The following RIC8B variants were observed in gnomAD, a reference collection of about 807,000 sequenced individuals.
RIC8B encodes RIC8 guanine nucleotide exchange factor B, also known as chaperone Ric-8B.
In RIC8B, 16 loss-of-function variants were observed where a neutral mutation model predicts 57.5. The observed-to-expected ratio is 0.28, with a 90% CI of 0.19 to 0.42. The LOEUF is 0.42. Among genes scored for constraint, RIC8B ranks in the 10% least tolerant of loss-of-function variants. The pLI, the probability that RIC8B is intolerant of heterozygous loss-of-function variation, is 1.00. For synonymous variants in RIC8B, 216 were observed against 250.8 expected (o/e 0.86, Z 1.31); for missense variants, 481 against 677.0 (o/e 0.71, Z 3.21).
At position 106,830,844 on chromosome 12, in the gene RIC8B, T is replaced by C. The variant is rs184761235; in HGVS notation, c.836+5024T>C. On this transcript the variant is annotated intron_variant, in intron 4 of 9. Transcript: ENST00000392837. ...AGACATAAATGTTAGGAAAGCTAAA[T>C]AACAATTCGAGACAGGGATAGAGAG... Among the ~76,000 whole-genome samples the C allele has an allele frequency of 1.4e-3, 212 of 152,284 alleles. 4 individuals carry two copies. The highest frequency in any genetic ancestry group is 5.3e-3 in the Admixed American group (81 of 15,300).
intron 1 of RIC8B, 39 bp downstream of exon 1, chr12:106,774,868 C>A: frequency 6.8e-7 from 1 of 1,467,044 alleles, no homozygotes. Context: ...TATCGCACCC[C>A]CGGGCCGCCC....
At chr12:106,837,921 C>T (rs1206443644) in intron 4 of RIC8B, among the ~76,000 whole-genome samples, 1 of 96 alleles carries the variant, frequency 0.01, no homozygotes, top group African/African-American at 0.042. Flanking sequence ...AGATTACAGG[C>T]GTGAGCACCA....
rs997759194 is a variant in RIC8B, at chr12:106,885,866, A to C, written c.1572-38A>C. 5 of 1,375,692 alleles carry C rather than the reference A, an allele frequency of 3.6e-6. No individual in the cohort carries two copies. In the Admixed American group the frequency reaches 5.0e-5, roughly 14 times the overall value. The allele number at this position is 1,375,692 out of a possible 1,614,324, so 85.2% of individuals were successfully genotyped here. On this transcript the variant is annotated intron_variant, in intron 9 of 9. Transcript: ENST00000392837. ...GAGGGGTGTGTGTGTGATGCTGGTG[A>C]ATACTTTTTTTTCTCTCTCTTTTAT...
chr12:106,803,380 A>G (rs2044843050), intron 2 of RIC8B, among the ~76,000 whole-genome samples: 1 of 152,166 alleles, frequency 6.6e-6, no homozygotes, highest in Admixed American at 6.5e-5. Flanking sequence ...AGTGATCATT[A>G]TAGTGCCTTC....
chr12:106,789,228 C>G (rs369172275), intron 2 of RIC8B, among the ~76,000 whole-genome samples: 2 of 152,296 alleles, frequency 1.3e-5, no homozygotes, highest in Non-Finnish European at 1.5e-5. Flanking sequence ...CATCCTGGAC[C>G]TTATTGTTCT....
At chr12:106,885,765 C>T (rs1483071427) in intron 9 of RIC8B, 139 bp from the exon 10 acceptor site, 7 of 590,020 alleles carry the variant, frequency 1.2e-5, no homozygotes, top group Admixed American at 3.3e-5. Flanking sequence ...TACAAACACA[C>T]AGAGAAAGCT....
chr12:106,795,954 C>T lies in RIC8B; in HGVS notation c.132+11910C>T, dbSNP rs186278536. Among the ~76,000 whole-genome samples, 57 of 152,212 alleles carry T rather than the reference C, an allele frequency of 3.7e-4. No homozygotes were observed. In the Middle Eastern group the frequency reaches 0.014, roughly 36 times the overall value. Reference sequence around the variant, plus strand: ...TAGAATAATGACTAAGGACATAACTCATACTTACACTTTGAAAACTGTAAA... The same window carrying T: ...TAGAATAATGACTAAGGACATAACTTATACTTACACTTTGAAAACTGTAAA... On this transcript the variant is annotated intron_variant, in intron 2 of 9. Coordinates refer to ENST00000392837, the MANE Select transcript of RIC8B (RefSeq NM_001330145.2).
chr12:106,872,445 G>T (rs1435947051), intron 9 of RIC8B, among the ~76,000 whole-genome samples: 1 of 152,060 alleles, frequency 6.6e-6, no homozygotes, highest in African/African-American at 2.4e-5. Flanking sequence ...GAGGCAGGTG[G>T]ATCACCTGAG....
intron 2 of RIC8B, among the ~76,000 whole-genome samples, chr12:106,804,267 T>G (rs1435771100): frequency 1.3e-5 from 2 of 149,688 alleles, no homozygotes; most frequent in Non-Finnish European, 3.0e-5. Flanking sequence ...CAGGCTGGAG[T>G]GCAATGGCGT....
chr12:106,795,214 A>G (rs2044423854), intron 2 of RIC8B, among the ~76,000 whole-genome samples: 1 of 152,218 alleles, frequency 6.6e-6, no homozygotes, highest in Admixed American at 6.5e-5. Context: ...TGTAATTTTT[A>G]TAGATGTATA....
chr12:106,787,003 C>A (rs1276780687), intron 2 of RIC8B, among the ~76,000 whole-genome samples: 3 of 152,076 alleles, frequency 2.0e-5, no homozygotes, highest in Admixed American at 1.3e-4. Context: ...AGTCTCCTAC[C>A]CCATATAAAT....
intron 6 of RIC8B, among the ~76,000 whole-genome samples, chr12:106,849,582 T>A (rs1440845633): frequency 6.6e-6 from 1 of 151,884 alleles, no homozygotes; most frequent in East Asian, 1.9e-4. Flanking sequence ...TGAATCAGAA[T>A]CTGCATTTTA....
At chr12:106,807,455 G>C (rs574422352) in intron 2 of RIC8B, among the ~76,000 whole-genome samples, 24 of 152,288 alleles carry the variant, frequency 1.6e-4, no homozygotes, top group African/African-American at 5.5e-4. Flanking sequence ...ACCTAGGCTG[G>C]ACTGCCACTT....
intron 3 of RIC8B, chr12:106,823,296 C>T (rs919505163): frequency 9.3e-6 from 3 of 322,266 alleles, no homozygotes; most frequent in Middle Eastern, 3.9e-4. Context: ...TGCAAAGGAA[C>T]CAGCGATGCA....
At chr12:106,835,099 T>C (rs2046535994) in intron 4 of RIC8B, among the ~76,000 whole-genome samples, 1 of 152,058 alleles carries the variant, frequency 6.6e-6, no homozygotes, top group African/African-American at 2.4e-5. Flanking sequence ...TGGTTTGTAC[T>C]TACCGTTTCC....
intron 4 of RIC8B, among the ~76,000 whole-genome samples, chr12:106,838,112 G>A (rs1018148516): frequency 2.0e-5 from 3 of 152,124 alleles, no homozygotes; most frequent in African/African-American, 7.2e-5. Context: ...CATCAAAACA[G>A]TTTTTGTATT....
chr12:106,809,546 GAATT>G (rs990487902), intron 2 of RIC8B, among the ~76,000 whole-genome samples: 1 of 128,634 alleles, frequency 7.8e-6, no homozygotes, highest in African/African-American at 3.0e-5. Flanking sequence ...AAAAAAAAAA[GAATT>G]GTGCAGTAAG....
At chr12:106,835,753 T>A (rs749508983) in intron 4 of RIC8B, among the ~76,000 whole-genome samples, 3 of 152,228 alleles carry the variant, frequency 2.0e-5, no homozygotes, top group Non-Finnish European at 4.4e-5. Context: ...ATGAAAATGT[T>A]CTAGGCAGGA....
chr12:106,862,622 T>G (rs1949989419), intron 8 of RIC8B, among the ~76,000 whole-genome samples: 1 of 152,142 alleles, frequency 6.6e-6, no homozygotes, highest in South Asian at 2.1e-4. Flanking sequence ...TCCCAAGATC[T>G]CAGTCTGCTT....
Sources: allele counts gnomAD v4.1 joint callset (sites outside exome capture counted in the v4.1 genomes callset), GRCh38; gene constraint gnomAD v4.1.1; transcripts MANE v1.5; gene names NCBI Gene and HGNC (gene_info 2026-07-23, HGNC 2026-07-21).